LCE2A: variants seen among roughly 807,000 people sequenced by gnomAD.
LCE2A encodes the protein late cornified envelope protein 2A.
For missense variants in LCE2A, 147 were observed against 137.6 expected (o/e 1.07, Z -0.34); for synonymous variants, 65 against 52.5 (o/e 1.24, Z -1.03).
rs1332783766 is a variant in LCE2A at position 152,699,153 on chromosome 1, C to A, written c.252C>A (p.Ser84Arg). 1.9e-6 allele frequency: 3 copies of A among 1,613,968 alleles called. No individual in the cohort carries two copies. The highest frequency in any genetic ancestry group is 2.5e-6 in the Non-Finnish European group (3 of 1,179,976). The change falls in exon 2 of 2, where the codon AGC becomes AGA. Residue 84 changes from serine (S) to arginine (R), a missense_variant. Transcript: ENST00000368779. ...PRLFHRHRHQ[S>R]PDCCECEPSG... ...TCTTCCACCGGCACCGGCACCAGAGCCCCGATTGTTGTGAGTGTGAACCTT... is the reference window on the plus strand; with the variant it reads ...TCTTCCACCGGCACCGGCACCAGAGACCCGATTGTTGTGAGTGTGAACCTT...
chr1:152,699,059 G>C lies in LCE2A; in HGVS notation c.158G>C (p.Gly53Ala). The change falls in exon 2 of 2, where the codon GGC (glycine) becomes GCC (alanine). Residue 53 changes from glycine (G) to alanine (A), a missense_variant. Transcript: ENST00000368779. ...CCGPSSGGCC[G>A]SSSGGCCSSG... is the part of the protein sequence containing the mutation. ...GGTCCCAGCTCTGGGGGCTGCTGCG[G>C]CTCCAGCTCTGGGGGCTGCTGCAGC... The C allele has an allele frequency of 6.2e-7, 1 of 1,612,684 alleles. No homozygotes were observed. The highest frequency in any genetic ancestry group is 1.7e-5 in the Admixed American group (1 of 59,968).
Position 152,699,286 on chromosome 1 carries a change from G to A in LCE2A, c.*64G>A, listed in dbSNP as rs1035169156. ...ACTTGCAACCAGGACCTGTCCCAGA[G>A]TGATGCTTCTCCTGCCCCTTTTTCT... On this transcript the variant is annotated 3_prime_UTR_variant, in exon 2 of 2. Transcript: ENST00000368779. 2.1e-4 allele frequency: 317 copies of A among 1,533,938 alleles called. 1 individual carries two copies. Among genetic ancestry groups the A allele is most frequent in the Admixed American group, 7.3e-4 (36 of 49,190 alleles).
rs1649516774 is a variant in LCE2A, at chr1:152,699,281, C to G, written c.*59C>G. 1.9e-6 allele frequency: 3 copies of G among 1,539,930 alleles called. No individual in the cohort carries two copies. In the East Asian group the frequency reaches 6.8e-5, roughly 35 times the overall value. ...GAGAAACTTGCAACCAGGACCTGTCCCAGAGTGATGCTTCTCCTGCCCCTT... is the reference window on the plus strand; with the variant it reads ...GAGAAACTTGCAACCAGGACCTGTCGCAGAGTGATGCTTCTCCTGCCCCTT... On this transcript the variant is annotated 3_prime_UTR_variant, in exon 2 of 2. Transcript: ENST00000368779.
chr1:152,698,989 C>T lies in LCE2A; in HGVS notation c.88C>T (p.Pro30Ser). 1.2e-6 allele frequency: 2 copies of T among 1,614,170 alleles called. No individual in the cohort carries two copies. The highest frequency in any genetic ancestry group is 1.3e-5 in the African/African-American group (1 of 75,030). ...ACCCAAGTGTCCTCCAAAGTGCCGA[C>T]CTCAGTGCCCAGCCCCATGCCCACC... ...CPPKCPPKCRPQCPAPCPPPV... is the reference protein window; with the variant it reads ...CPPKCPPKCRSQCPAPCPPPV... The change falls in exon 2 of 2, where the codon CCT (proline) becomes TCT (serine). Residue 30 changes from proline (P) to serine (S), a missense_variant. Pro to Ser is a moderately conservative substitution (Grantham distance 74). Transcript: ENST00000368779.
At chr1:152,698,757 G>A in intron 1 of LCE2A, 125 bp from the exon 2 acceptor site, 1 of 735,264 alleles carries the variant, frequency 1.4e-6, no homozygotes, top group East Asian at 2.7e-5. Context: ...ATATATGTGT[G>A]TATGTGTATA....
Position 152,699,421 on chromosome 1 carries a change from A to G in LCE2A, c.*199A>G, listed in dbSNP as rs1240466949. The G allele has an allele frequency of 1.5e-6, 1 of 664,408 alleles. No homozygotes were observed. The highest frequency in any genetic ancestry group is 2.6e-6 in the Non-Finnish European group (1 of 389,754). The allele number at this position is 664,408 out of a possible 1,614,324, so 41.2% of individuals were successfully genotyped here. On this transcript the variant is annotated 3_prime_UTR_variant, in exon 2 of 2. Transcript: ENST00000368779. ...CCCACTTTACCTCATACAACAATAA[A>G]GCTCTTTTGCCTCTTCGTGAAGTAC...
chr1:152,698,832 G>A, intron 1 of LCE2A, 50 bp from the exon 2 acceptor site: 1 of 1,527,428 alleles, frequency 6.5e-7, no homozygotes, highest in Non-Finnish European at 9.1e-7. Context: ...AGATAAAATT[G>A]CCATCCTTGG....
chr1:152,698,970 G>C lies in LCE2A; in HGVS notation c.69G>C (p.Lys23Asn). ...PPKCPPKCPP[K>N]CPPKCRPQCP... ...AGTGCCCCCCAAAATGCCCACCCAAGTGTCCTCCAAAGTGCCGACCTCAGT... is the reference window on the plus strand; with the variant it reads ...AGTGCCCCCCAAAATGCCCACCCAACTGTCCTCCAAAGTGCCGACCTCAGT... Residue 23 changes from lysine (K) to asparagine (N), a missense_variant, in exon 2 of 2, where the codon AAG (lysine) becomes AAC (asparagine). Transcript: ENST00000368779. 6.2e-7 allele frequency: 1 copy of C among 1,614,096 alleles called. No homozygotes were observed. Among genetic ancestry groups the C allele is most frequent in the South Asian group, 1.1e-5 (1 of 91,074 alleles).
rs1385569454 is a variant in LCE2A at position 152,698,880 on chromosome 1, A to G, written c.-20-2A>G. On this transcript the variant is annotated splice_acceptor_variant, in intron 1 of 1. Transcript: ENST00000368779. LOFTEE classifies it low-confidence loss of function (5UTR_SPLICE). ...AAAGGGTTTGACTATTTCGAATTTC[A>G]GGTTGAAAAAGTCGCACTGAGATGT... 5 of 1,613,688 alleles carry G rather than the reference A, an allele frequency of 3.1e-6. No homozygotes were observed. The highest frequency in any genetic ancestry group is 4.2e-6 in the Non-Finnish European group (5 of 1,179,726).
In LCE2A at chr1:152,698,957, A is replaced by T. The variant is rs942469127; in HGVS notation, c.56A>T (p.Lys19Ile). 1.2e-6 allele frequency: 2 copies of T among 1,613,932 alleles called. No individual in the cohort carries two copies. The highest frequency in any genetic ancestry group is 2.7e-5 in the African/African-American group (2 of 74,884). ...CAGCCCCCTCCCAAGTGCCCCCCAA[A>T]ATGCCCACCCAAGTGTCCTCCAAAG... ...QCQPPPKCPP[K>I]CPPKCPPKCR... Residue 19 changes from lysine (K) to isoleucine (I), a missense_variant, in exon 2 of 2, where the codon AAA becomes ATA. Physicochemically the swap from Lys to Ile is moderately radical, Grantham distance 102. Transcript: ENST00000368779.
At position 152,698,349 on chromosome 1, in the gene LCE2A, G is replaced by C. The variant is rs1264927492; in HGVS notation, c.-66G>C. 6.3e-6 allele frequency: 1 copy of C among 157,800 alleles called. No homozygotes were observed. Among genetic ancestry groups the C allele is most frequent in the Non-Finnish European group, 1.4e-5 (1 of 71,874 alleles). The allele number at this position is 157,800 out of a possible 1,614,324, so 9.8% of individuals were successfully genotyped here. ...CATATTCAGCTCCAGCACCTCATCTGCTCTGACTTCCCCAGGACGTGTCTG... is the reference window on the plus strand; with the variant it reads ...CATATTCAGCTCCAGCACCTCATCTCCTCTGACTTCCCCAGGACGTGTCTG... On this transcript the variant is annotated 5_prime_UTR_variant, in exon 1 of 2. Transcript: ENST00000368779.
rs1378605822 is a variant in LCE2A, at chr1:152,699,304, C to CT, written c.*87dup. On this transcript the variant is annotated 3_prime_UTR_variant, in exon 2 of 2. Transcript: ENST00000368779. ...TCCCAGAGTGATGCTTCTCCTGCCC[C>CT]TTTTTCTCCTTTCCTTGGGCTGACA... The CT allele has an allele frequency of 4.0e-6, 6 of 1,493,640 alleles. No individual in the cohort carries two copies. In the African/African-American group the frequency reaches 7.0e-5, roughly 17 times the overall value. The allele number at this position is 1,493,640 out of a possible 1,614,324, so 92.5% of individuals were successfully genotyped here. A position where few individuals can be genotyped will look rare whatever the true frequency, so the allele number is the denominator to read the frequency against.
chr1:152,698,614 G>A (rs1354320478), intron 1 of LCE2A, among the ~76,000 whole-genome samples: 1 of 152,142 alleles, frequency 6.6e-6, no homozygotes, highest in Admixed American at 6.5e-5. Context: ...TGTTGGGTAT[G>A]AATACTTTAT....
chr1:152,699,129 C>A lies in LCE2A; in HGVS notation c.228C>A (p.Leu76=). The part of the protein sequence containing the change: ...GCCLSHHRPR[L]FHRHRHQSPD... Reference sequence around the variant, plus strand: ...GCCTGAGCCACCACAGGCCCCGTCTCTTCCACCGGCACCGGCACCAGAGCC... The same window carrying A: ...GCCTGAGCCACCACAGGCCCCGTCTATTCCACCGGCACCGGCACCAGAGCC... The change falls in exon 2 of 2, where the codon CTC becomes CTA. Residue 76 remains leucine (L), a synonymous_variant. Transcript: ENST00000368779. 2.5e-6 allele frequency: 4 copies of A among 1,614,082 alleles called. No homozygotes were observed. Among genetic ancestry groups the A allele is most frequent in the Non-Finnish European group, 3.4e-6 (4 of 1,180,010 alleles).
chr1:152,698,724 TTTG>T (rs1442107655), intron 1 of LCE2A, among the ~76,000 whole-genome samples, 155 bp from the exon 2 acceptor site: 1 of 152,170 alleles, frequency 6.6e-6, no homozygotes, highest in African/African-American at 2.4e-5. Flanking sequence ...TTCAGCAGGA[TTTG>T]TTTTCTTTCA....
chr1:152,698,522 G>A (rs1041049566), intron 1 of LCE2A, 128 bp downstream of exon 1: 2 of 216,458 alleles, frequency 9.2e-6, no homozygotes, highest in African/African-American at 2.4e-5. Context: ...TGAGTTTCTG[G>A]AAATCTTGCC....
In LCE2A at chr1:152,698,395, G is replaced by A. The variant is rs1467330097; in HGVS notation, c.-21+1G>A. The A allele has an allele frequency of 6.1e-6, 1 of 164,946 alleles. No homozygotes were observed. Among genetic ancestry groups the A allele is most frequent in the Non-Finnish European group, 1.3e-5 (1 of 76,344 alleles). The allele number at this position is 164,946 out of a possible 1,614,324, so 10.2% of individuals were successfully genotyped here. On this transcript the variant is annotated splice_donor_variant, in intron 1 of 1. Coordinates refer to ENST00000368779, the MANE Select transcript of LCE2A (RefSeq NM_178428.4). LOFTEE classifies it low-confidence loss of function (5UTR_SPLICE). The stretch of plus-strand genomic sequence containing the variant: ...GTCTGTGCTCCTGTGTGTGACCAGG[G>A]TGAGTGGCAACCTGGGAGCCAGAGG...
intron 1 of LCE2A, among the ~76,000 whole-genome samples, chr1:152,698,653 C>T (rs970283281): frequency 6.6e-6 from 1 of 151,936 alleles, no homozygotes; most frequent in African/African-American, 2.4e-5. Context: ...GAAAATACTG[C>T]CTATCTTCTA....
chr1:152,699,074 G>A lies in LCE2A; in HGVS notation c.173G>A (p.Gly58Asp), dbSNP rs1240255713. The change falls in exon 2 of 2, where the codon GGC becomes GAC. Residue 58 changes from glycine (G) to aspartate (D), a missense_variant. Transcript: ENST00000368779. ...SGGCCGSSSG[G>D]CCSSGGGGCC... Reference sequence around the variant, plus strand: ...GGCTGCTGCGGCTCCAGCTCTGGGGGCTGCTGCAGCTCTGGGGGTGGCGGC... The same window carrying A: ...GGCTGCTGCGGCTCCAGCTCTGGGGACTGCTGCAGCTCTGGGGGTGGCGGC... 3.7e-6 allele frequency: 6 copies of A among 1,613,816 alleles called. No individual in the cohort carries two copies. Among genetic ancestry groups the A allele is most frequent in the Non-Finnish European group, 5.1e-6 (6 of 1,179,962 alleles).
Sources: gnomAD v4.1 joint callset for allele counts (sites outside exome capture counted in the v4.1 genomes callset) on GRCh38, gnomAD v4.1.1 for gene constraint, MANE v1.5 for transcripts, NCBI Gene and HGNC (gene_info 2026-07-23, HGNC 2026-07-21) for gene names.